Variants in RARB observed in about 807,000 individuals in gnomAD.
RARB encodes retinoic acid receptor beta, also known as HBV-activated protein.
Under a neutral mutation model 51.9 loss-of-function variants are expected in RARB, and 17 were observed. The observed-to-expected ratio is 0.33, with a 90% CI of 0.22 to 0.49. RARB has a LOEUF of 0.49. Among genes scored for constraint, RARB ranks in the 20% least tolerant of loss-of-function variants. The pLI, the probability that RARB is intolerant of heterozygous loss-of-function variation, is 0.99. For missense variants in RARB, 369 were observed against 550.8 expected (o/e 0.67, Z 3.30); for synonymous variants, 215 against 195.4 (o/e 1.10, Z -0.84).
At chr3:25,208,940 C>T (rs144658179) in intron 5 of RARB, among the ~76,000 whole-genome samples, 134 of 152,266 alleles carry the variant, frequency 8.8e-4, no homozygotes, top group African/African-American at 2.9e-3. Flanking sequence ...GTGCTCCACA[C>T]GGAATACATA....
chr3:25,312,505 GA>G (rs1420493914), intron 5 of RARB, among the ~76,000 whole-genome samples: 1 of 152,122 alleles, frequency 6.6e-6, no homozygotes, highest in African/African-American at 2.4e-5. Context: ...TAAAGCCTGG[GA>G]GTTAAAAGTG....
chr3:25,348,082 C>T (rs1705448698), intron 5 of RARB, among the ~76,000 whole-genome samples: 1 of 152,066 alleles, frequency 6.6e-6, no homozygotes, highest in Admixed American at 6.6e-5. Flanking sequence ...CCATAATGAT[C>T]TTCATAGGCT....
intron 3 of RARB, among the ~76,000 whole-genome samples, chr3:25,121,231 C>T (rs1699778942): frequency 6.6e-6 from 1 of 152,170 alleles, no homozygotes; most frequent in East Asian, 1.9e-4. Flanking sequence ...AATTTTCAGG[C>T]ATGACATGTT....
At chr3:25,545,409 C>T (rs1469724373) in intron 3 of RARB, among the ~76,000 whole-genome samples, 1 of 152,176 alleles carries the variant, frequency 6.6e-6, no homozygotes, top group Non-Finnish European at 1.5e-5. Flanking sequence ...TCCTCCTAGC[C>T]TACTGTCATT....
chr3:25,542,275 A>C (rs1222255105), intron 3 of RARB, among the ~76,000 whole-genome samples: 1 of 152,252 alleles, frequency 6.6e-6, no homozygotes, highest in African/African-American at 2.4e-5. Flanking sequence ...CTTGCAGGCC[A>C]ATAAAGTATA....
At chr3:25,301,711 C>G (rs543770794) in intron 5 of RARB, among the ~76,000 whole-genome samples, 1 of 152,208 alleles carries the variant, frequency 6.6e-6, no homozygotes, top group East Asian at 1.9e-4. Flanking sequence ...GAACAAAGAC[C>G]CTGTGCTCCT....
intron 2 of RARB, among the ~76,000 whole-genome samples, chr3:24,897,418 A>G (rs1165644350): frequency 6.6e-6 from 1 of 152,162 alleles, no homozygotes; most frequent in African/African-American, 2.4e-5. Context: ...CACTTTTGCA[A>G]AAGGGGAGAT....
Position 25,501,329 on chromosome 3 carries a change from T to A in RARB, c.448+6T>A, listed in dbSNP as rs572731588. 7 of 1,607,014 alleles carry A rather than the reference T, an allele frequency of 4.4e-6. No individual in the cohort carries two copies. In the East Asian group the frequency reaches 1.6e-4, roughly 36 times the overall value. On this transcript the variant is annotated splice_donor_region_variant and intron_variant, in intron 3 of 7. Transcript: ENST00000330688. ...AGTGGGAATGTCCAAAGAATGTAAGTGGAGTCTCAAAAAACTTTTTCCCTG... is the reference window on the plus strand; with the variant it reads ...AGTGGGAATGTCCAAAGAATGTAAGAGGAGTCTCAAAAAACTTTTTCCCTG...
chr3:24,985,821 G>A (rs1280093544), intron 2 of RARB, among the ~76,000 whole-genome samples: 1 of 152,210 alleles, frequency 6.6e-6, no homozygotes, highest in East Asian at 1.9e-4. Context: ...TGAGGCCTGT[G>A]CCTGCTGCCG....
intron 2 of RARB, among the ~76,000 whole-genome samples, chr3:25,483,480 C>T (rs1403784927): frequency 4.0e-5 from 6 of 150,826 alleles, no homozygotes; most frequent in Non-Finnish European, 4.4e-5. Context: ...CCTCTAGACC[C>T]TGGTTTTCTA....
intron 3 of RARB, among the ~76,000 whole-genome samples, chr3:25,105,813 T>A (rs1699488614): frequency 1.3e-5 from 2 of 152,206 alleles, no homozygotes; most frequent in Admixed American, 1.3e-4. Flanking sequence ...AACCACTTTA[T>A]AAACTCACTA....
intron 2 of RARB, among the ~76,000 whole-genome samples, chr3:24,907,684 G>T (rs1217358765): frequency 6.6e-6 from 1 of 151,862 alleles, no homozygotes; most frequent in Middle Eastern, 3.2e-3. Flanking sequence ...AACAATCTTT[G>T]AACACTTTTA....
At chr3:25,582,308 C>CA (rs1340499152) in intron 5 of RARB, among the ~76,000 whole-genome samples, 1 of 152,132 alleles carries the variant, frequency 6.6e-6, no homozygotes, top group Admixed American at 6.5e-5. Flanking sequence ...AAGATATTAG[C>CA]AGAGACTGGA....
intron 5 of RARB, among the ~76,000 whole-genome samples, chr3:25,291,583 G>T (rs979246786): frequency 6.6e-6 from 1 of 151,644 alleles, no homozygotes; most frequent in Non-Finnish European, 1.5e-5. Context: ...TGTTAGAGGG[G>T]AGCTTCACCT....
At chr3:25,210,924 A>G (rs963148473) in intron 5 of RARB, among the ~76,000 whole-genome samples, 1 of 152,080 alleles carries the variant, frequency 6.6e-6, no homozygotes, top group African/African-American at 2.4e-5. Context: ...TTTAATGTTG[A>G]TATGGATTCT....
intron 3 of RARB, among the ~76,000 whole-genome samples, chr3:25,115,453 A>G (rs1366487583): frequency 3.3e-5 from 5 of 152,290 alleles, no homozygotes; most frequent in Admixed American, 6.5e-5. Context: ...AATACAAAAG[A>G]TGGCTACTTG....
At chr3:25,099,368 CAAGAT>C (rs1699356634) in intron 3 of RARB, among the ~76,000 whole-genome samples, 1 of 151,918 alleles carries the variant, frequency 6.6e-6, no homozygotes, top group Admixed American at 6.6e-5. Context: ...GCTAGATTGT[CAAGAT>C]AAGCTTTCAA....
intron 5 of RARB, among the ~76,000 whole-genome samples, chr3:25,327,028 C>T (rs1049671192): frequency 6.6e-6 from 1 of 151,938 alleles, no homozygotes; most frequent in Non-Finnish European, 1.5e-5. Context: ...TGTGATGTTC[C>T]CCTTCCTGTG....
chr3:25,211,482 C>A (rs921453942), intron 5 of RARB, among the ~76,000 whole-genome samples: 1 of 152,060 alleles, frequency 6.6e-6, no homozygotes, highest in Non-Finnish European at 1.5e-5. Context: ...GCATTATAGT[C>A]CTGTGGAAAT....
Sources: allele counts gnomAD v4.1 joint callset (sites outside exome capture counted in the v4.1 genomes callset), GRCh38; gene constraint gnomAD v4.1.1; transcripts MANE v1.5; gene names NCBI Gene and HGNC (gene_info 2026-07-23, HGNC 2026-07-21).